Variants in KCNAB1 observed in about 807,000 individuals in gnomAD.
KCNAB1 encodes the protein voltage-gated potassium channel subunit beta-1.
A neutral mutation model predicts 64.6 loss-of-function variants in KCNAB1; 35 were observed. That is an observed-to-expected ratio of 0.54 (90% CI 0.41 to 0.72). KCNAB1 has a LOEUF of 0.72. KCNAB1 is among the 30% of genes least tolerant of loss of function. The pLI is 0.00. For missense variants in KCNAB1, 401 were observed against 512.9 expected, an observed-to-expected ratio of 0.78 and a Z score of 2.11; for synonymous variants, 177 against 183.8, an observed-to-expected ratio of 0.96 and a Z score of 0.30.
chr3:156,459,195 C>T (rs1160703844), intron 4 of KCNAB1, among the ~76,000 whole-genome samples: 1 of 152,174 alleles, frequency 6.6e-6, no homozygotes, highest in African/African-American at 2.4e-5. Context: ...GGGTCCCAGC[C>T]TGGGTAGGTG....
intron 1 of KCNAB1, among the ~76,000 whole-genome samples, chr3:156,297,890 A>C (rs552490693): frequency 6.6e-6 from 1 of 152,222 alleles, no homozygotes; most frequent in East Asian, 1.9e-4. Context: ...GCTGTGTTTC[A>C]AACAGAAATA....
chr3:156,233,769 A>T (rs1291747485), intron 1 of KCNAB1, among the ~76,000 whole-genome samples: 1 of 152,018 alleles, frequency 6.6e-6, no homozygotes, highest in African/African-American at 2.4e-5. Flanking sequence ...AGCTGGGAAG[A>T]CTTGCTAATA....
In KCNAB1 at chr3:156,165,277, CAAAAAAA is replaced by C. The variant is rs35419424; in HGVS notation, c.275+44413_275+44419del. Among the ~76,000 whole-genome samples the C allele has an allele frequency of 1.2e-3, 32 of 27,130 alleles. No homozygotes were observed. The South Asian group carries it at 0.02, about 17-fold the overall frequency. The allele number at this position is 27,130 out of a possible 152,430, so 17.8% of individuals were successfully genotyped here. ...TGGGCGACAGAGCGAGACTCCGTCTCAAAAAAAAAAAAAAAAAAAAAAAAAAAAGAAA... is the reference window on the plus strand; with the variant it reads ...TGGGCGACAGAGCGAGACTCCGTCTCAAAAAAAAAAAAAAAAAAAAAGAAA... On this transcript the variant is annotated intron_variant, in intron 1 of 13. Transcript: ENST00000490337.
intron 1 of KCNAB1, among the ~76,000 whole-genome samples, chr3:156,196,277 G>C (rs1439060450): frequency 1.3e-5 from 2 of 152,298 alleles, no homozygotes; most frequent in South Asian, 4.1e-4. Flanking sequence ...GCTTAGGATT[G>C]TCTTGGCTAT....
intron 1 of KCNAB1, among the ~76,000 whole-genome samples, chr3:156,408,101 C>T (rs1455500092): frequency 2.0e-5 from 3 of 151,784 alleles, no homozygotes; most frequent in Admixed American, 6.6e-5. Flanking sequence ...AGCAGGGAGG[C>T]GCTGGGAGGG....
At chr3:156,239,347 T>C (rs755269539) in intron 1 of KCNAB1, among the ~76,000 whole-genome samples, 9 of 152,238 alleles carry the variant, frequency 5.9e-5, no homozygotes, top group Non-Finnish European at 8.8e-5. Flanking sequence ...AAGGTAGTAG[T>C]TTGTATTTCT....
At position 156,171,187 on chromosome 3, in the gene KCNAB1, GCACACATACA is replaced by G. The variant is rs1369924207; in HGVS notation, c.275+50308_275+50317del. Among the ~76,000 whole-genome samples the G allele has an allele frequency of 1.9e-3, 278 of 142,814 alleles. 1 individual carries two copies. Among genetic ancestry groups the G allele is most frequent in the African/African-American group, 7.1e-3 (259 of 36,348 alleles). 93.7% of individuals were successfully genotyped at this position (142,814 alleles called of 152,430 possible). On this transcript the variant is annotated intron_variant, in intron 1 of 13. Transcript: ENST00000490337. ...ACCGGCTTATAGTTAGAAACTTCAC[GCACACATACA>G]CACACACACACACACACACACACAC... is the stretch of plus-strand genomic sequence containing the variant.
At chr3:156,251,848 A>G (rs1040914442) in intron 1 of KCNAB1, among the ~76,000 whole-genome samples, 1 of 152,226 alleles carries the variant, frequency 6.6e-6, no homozygotes, top group Non-Finnish European at 1.5e-5. Context: ...GTCTATAAAG[A>G]TTTATAGTTT....
intron 2 of KCNAB1, among the ~76,000 whole-genome samples, chr3:156,439,884 T>C (rs1225287477): frequency 6.6e-6 from 1 of 152,230 alleles, no homozygotes; most frequent in Admixed American, 6.5e-5. Context: ...CTCCAAAATG[T>C]TCTCCCATTG....
At chr3:156,393,216 G>A (rs1419415766) in intron 1 of KCNAB1, among the ~76,000 whole-genome samples, 1 of 152,182 alleles carries the variant, frequency 6.6e-6, no homozygotes, top group Non-Finnish European at 1.5e-5. Flanking sequence ...CTCCCAAGGA[G>A]ACTGCCTTAA....
intron 8 of KCNAB1, among the ~76,000 whole-genome samples, chr3:156,490,422 T>C (rs1553754393): frequency 2.0e-5 from 3 of 151,282 alleles, no homozygotes; most frequent in Non-Finnish European, 4.4e-5. Context: ...CTCAAATAAA[T>C]AGAAAAAAGA....
intron 1 of KCNAB1, among the ~76,000 whole-genome samples, chr3:156,387,015 T>TC (rs1553855889): frequency 0.02 from 1,812 of 92,876 alleles, 67 homozygotes; most frequent in African/African-American, 0.094. Flanking sequence ...TCTCTCTCTC[T>TC]TTTTTTTTTT....
chr3:156,316,716 G>A (rs1277268933), intron 1 of KCNAB1, among the ~76,000 whole-genome samples: 1 of 152,208 alleles, frequency 6.6e-6, no homozygotes, highest in Non-Finnish European at 1.5e-5. Flanking sequence ...GCCCCTGCCA[G>A]GAGGCAGGTG....
intron 8 of KCNAB1, among the ~76,000 whole-genome samples, chr3:156,493,519 T>C (rs775657463): frequency 6.6e-6 from 1 of 152,112 alleles, no homozygotes; most frequent in Non-Finnish European, 1.5e-5. Context: ...CTCACCCAGA[T>C]TCCCCCAAAT....
At chr3:156,157,813 C>A (rs377162211) in intron 1 of KCNAB1, among the ~76,000 whole-genome samples, 1 of 152,134 alleles carries the variant, frequency 6.6e-6, no homozygotes, top group African/African-American at 2.4e-5. Context: ...AAATATTAGC[C>A]GTTGCTATTT....
chr3:156,158,174 AAT>A (rs1491079468), intron 1 of KCNAB1, among the ~76,000 whole-genome samples: 21 of 68,922 alleles, frequency 3.0e-4, no homozygotes, highest in Middle Eastern at 7.4e-3. Flanking sequence ...CAAAAAAAAA[AAT>A]AAAAAATAAA....
intron 1 of KCNAB1, among the ~76,000 whole-genome samples, chr3:156,158,794 C>T (rs1012697809): frequency 1.3e-5 from 2 of 152,124 alleles, no homozygotes; most frequent in African/African-American, 4.8e-5. Flanking sequence ...TGACTGACAA[C>T]TGTCAGGGTT....
chr3:156,244,460 A>G (rs565135483), intron 1 of KCNAB1, among the ~76,000 whole-genome samples: 1 of 152,302 alleles, frequency 6.6e-6, no homozygotes, highest in East Asian at 1.9e-4. Context: ...TGCCATGTAA[A>G]GCAACATATT....
At chr3:156,432,488 C>T (rs1576857282) in intron 2 of KCNAB1, among the ~76,000 whole-genome samples, 1 of 152,154 alleles carries the variant, frequency 6.6e-6, no homozygotes, top group African/African-American at 2.4e-5. Context: ...ACCATCAATA[C>T]TCATTTCATA....
Sources: allele counts gnomAD v4.1 joint callset (sites outside exome capture counted in the v4.1 genomes callset), GRCh38; gene constraint gnomAD v4.1.1; transcripts MANE v1.5; gene names NCBI Gene and HGNC (gene_info 2026-07-23, HGNC 2026-07-21).